PTPRC: variants seen among roughly 807,000 people sequenced by gnomAD.
PTPRC encodes receptor-type tyrosine-protein phosphatase C.
A neutral mutation model predicts 155.9 loss-of-function variants in PTPRC; 44 were observed. The ratio of observed to expected loss-of-function variants is 0.28; its 90% CI spans 0.22 to 0.36. The LOEUF (loss-of-function observed/expected upper bound fraction) is 0.36. PTPRC is among the 10% of genes least tolerant of loss of function. PTPRC has a pLI of 1.00. For synonymous variants in PTPRC, 525 were observed against 533.1 expected (o/e 0.98, Z 0.21); for missense variants, 1,401 against 1,564.6 (o/e 0.90, Z 1.76).
In PTPRC at chr1:198,693,978, T is replaced by C. The variant is rs1315285199; in HGVS notation, c.100+1605T>C. 7 of 1,536,694 alleles carry C rather than the reference T, an allele frequency of 4.6e-6. No homozygotes were observed. The East Asian group carries it at 1.2e-4, about 27-fold the overall frequency. ...AGATGTGTATATGAGGGGTAGTTTA[T>C]GTGATTGACACACAATCACGAGGTG... On this transcript the variant is annotated intron_variant, in intron 3 of 32. Coordinates refer to ENST00000442510, the MANE Select transcript of PTPRC (RefSeq NM_002838.5).
At chr1:198,656,619 T>C (rs1480121188) in intron 2 of PTPRC, among the ~76,000 whole-genome samples, 1 of 150,730 alleles carries the variant, frequency 6.6e-6, no homozygotes, top group Non-Finnish European at 1.5e-5. Flanking sequence ...TGAATTCTGC[T>C]ACACATCACA....
At chr1:198,679,396 A>ATTTTTTTTTTTTTTTTT (rs34684883) in intron 2 of PTPRC, among the ~76,000 whole-genome samples, 1 of 109,992 alleles carries the variant, frequency 9.1e-6, no homozygotes, top group African/African-American at 3.6e-5. Flanking sequence ...ACGCCCAGCT[A>ATTTTTTTTTTTTTTTTT]TTTTTTTTTT....
intron 32 of PTPRC, among the ~76,000 whole-genome samples, chr1:198,755,453 C>CAGGT (rs1473676778): frequency 1.3e-5 from 2 of 150,328 alleles, no homozygotes; most frequent in Non-Finnish European, 3.0e-5. Flanking sequence ...GAGGGAAAGC[C>CAGGT]AGGTATTTAC....
chr1:198,737,485 A>G (rs1018303605), intron 23 of PTPRC, among the ~76,000 whole-genome samples: 1 of 151,374 alleles, frequency 6.6e-6, no homozygotes, highest in African/African-American at 2.4e-5. Context: ...TACCTGTATC[A>G]AAAATGAGTC....
intron 20 of PTPRC, 27 bp downstream of exon 20, chr1:198,732,583 T>A: frequency 6.6e-7 from 1 of 1,505,664 alleles, no homozygotes; most frequent in South Asian, 1.1e-5. Flanking sequence ...ATTTTTCTTA[T>A]ACCTACATAT....
chr1:198,660,865 G>A (rs1023266203), intron 2 of PTPRC, among the ~76,000 whole-genome samples: 11 of 151,922 alleles, frequency 7.2e-5, no homozygotes, highest in South Asian at 2.1e-4. Context: ...CAAAACTGCC[G>A]CTCCTAACCA....
In PTPRC at chr1:198,734,317, T is replaced by C; in HGVS notation, c.2180-11T>C. On this transcript the variant is annotated splice_polypyrimidine_tract_variant and intron_variant, in intron 21 of 32. Transcript: ENST00000442510. ...ATTTTTCTTATCAGCTTTTATTTGT[T>C]TACCTCCTAGGTCCCAGGGATGAAA... 2 of 1,610,992 alleles carry C rather than the reference T, an allele frequency of 1.2e-6. No individual in the cohort carries two copies.
At chr1:198,750,726 T>TA in intron 29 of PTPRC, 100 bp downstream of exon 29, 12 of 1,423,814 alleles carry the variant, frequency 8.4e-6, no homozygotes, top group Middle Eastern at 1.9e-4. Context: ...CGTCTTTTTT[T>TA]ATCCCTCCAT....
chr1:198,696,057 G>A (rs1666186192), intron 3 of PTPRC, among the ~76,000 whole-genome samples: 1 of 152,088 alleles, frequency 6.6e-6, no homozygotes, highest in African/African-American at 2.4e-5. Flanking sequence ...CTACTTGGGT[G>A]GCTGAGGCAA....
At position 198,713,084 on chromosome 1, in the gene PTPRC, A is replaced by G; in HGVS notation, c.1291+12A>G. On this transcript the variant is annotated intron_variant, in intron 12 of 32. Coordinates refer to ENST00000442510, the MANE Select transcript of PTPRC (RefSeq NM_002838.5). ...TATAAAAGAGACAGGTAATTTGTGT[A>G]GAATTTAATTTCATCAGAAAAGAGA... 6.2e-7 allele frequency: 1 copy of G among 1,613,334 alleles called. No individual in the cohort carries two copies. The highest frequency in any genetic ancestry group is 8.5e-7 in the Non-Finnish European group (1 of 1,179,434).
chr1:198,662,721 C>T (rs1664047948), intron 2 of PTPRC, among the ~76,000 whole-genome samples: 2 of 152,038 alleles, frequency 1.3e-5, no homozygotes, highest in African/African-American at 4.8e-5. Flanking sequence ...ACCAGTATTC[C>T]TTTCTCCTTT....
At chr1:198,694,757 T>C (rs1229306185) in intron 3 of PTPRC, 1 of 951,216 alleles carries the variant, frequency 1.1e-6, no homozygotes, top group African/African-American at 1.8e-5. Flanking sequence ...CCACTCCCTT[T>C]CTCCCACCCC....
chr1:198,663,677 G>C (rs772672877), intron 2 of PTPRC, among the ~76,000 whole-genome samples: 1 of 152,138 alleles, frequency 6.6e-6, no homozygotes. Context: ...AGATTTCTTG[G>C]ATTTAAATCC....
chr1:198,650,730 T>C lies in PTPRC; in HGVS notation c.73+11389T>C, dbSNP rs76306126. On this transcript the variant is annotated intron_variant, in intron 2 of 32. Transcript: ENST00000442510. ...TGGAGCTTAAAGCTAAGGGACTGCA[T>C]GTGACAGTGTAAATAAACATGTAGA... 9.3e-3 allele frequency among the ~76,000 whole-genome samples: 1,408 copies of C among 151,928 alleles called. 25 individuals carry two copies. The highest frequency in any genetic ancestry group is 0.031 in the African/African-American group (1,299 of 41,492).
At chr1:198,668,082 G>A (rs1026717624) in intron 2 of PTPRC, among the ~76,000 whole-genome samples, 1 of 152,166 alleles carries the variant, frequency 6.6e-6, no homozygotes, top group Non-Finnish European at 1.5e-5. Flanking sequence ...TTGTTAGAGT[G>A]GCAGGGATGA....
rs754240047 is a variant in PTPRC, at chr1:198,699,637, G to T, written c.372G>T (p.Thr124=). 7 of 1,614,080 alleles carry T rather than the reference G, an allele frequency of 4.3e-6. No homozygotes were observed. The East Asian group carries it at 1.3e-4, about 31-fold the overall frequency. ...AGACGCCCTCTGCTGGAACTGACACGCAGACATTCAGCGGCTCCGCCGCCA... is the reference window on the plus strand; with the variant it reads ...AGACGCCCTCTGCTGGAACTGACACTCAGACATTCAGCGGCTCCGCCGCCA... ...DSQTPSAGTD[T]QTFSGSAANA... Residue 124 remains threonine, a synonymous_variant, in exon 5 of 33, where the codon ACG becomes ACT. Transcript: ENST00000442510.
At chr1:198,699,422 TACTG>T in intron 4 of PTPRC, 138 bp from the exon 5 acceptor site, 1 of 1,030,616 alleles carries the variant, frequency 9.7e-7, no homozygotes, top group South Asian at 1.4e-5. Context: ...CAAATTTAAA[TACTG>T]ACAGACACAT....
At chr1:198,717,877 T>G (rs1434413423) in intron 13 of PTPRC, among the ~76,000 whole-genome samples, 2 of 152,176 alleles carry the variant, frequency 1.3e-5, no homozygotes, top group African/African-American at 4.8e-5. Context: ...TCTCATGGCT[T>G]CATGTACAAC....
chr1:198,725,662 T>C (rs1459056166), intron 15 of PTPRC, among the ~76,000 whole-genome samples: 2 of 152,208 alleles, frequency 1.3e-5, no homozygotes, highest in Non-Finnish European at 2.9e-5. Flanking sequence ...TCATTTAATT[T>C]TCCTTTTGTC....
Sources: allele counts gnomAD v4.1 joint callset (sites outside exome capture counted in the v4.1 genomes callset), GRCh38; gene constraint gnomAD v4.1.1; transcripts MANE v1.5; gene names NCBI Gene and HGNC (gene_info 2026-07-23, HGNC 2026-07-21).